Variants in ARHGEF10L observed in about 807,000 individuals in gnomAD.
The protein encoded by ARHGEF10L is rho guanine nucleotide exchange factor 10-like protein.
A neutral mutation model predicts 141.2 loss-of-function variants in ARHGEF10L; 69 were observed. That is an observed-to-expected ratio of 0.49 (90% CI 0.40 to 0.60). ARHGEF10L has a LOEUF of 0.60. Among genes scored for constraint, ARHGEF10L ranks in the 20% least tolerant of loss-of-function variants. The pLI is 0.00. For synonymous variants in ARHGEF10L, 711 were observed against 718.5 expected (o/e 0.99, Z 0.17); for missense variants, 1,482 against 1,734.3 (o/e 0.85, Z 2.58).
At chr1:17,535,569 A>G (rs1379343362), upstream of ARHGEF10L, among the ~76,000 whole-genome samples, 1 of 152,188 alleles carries the variant, frequency 6.6e-6, no homozygotes, top group Non-Finnish European at 1.5e-5. Context: ...CTGACCAGGG[A>G]AATACCACCC....
At chr1:17,584,382 G>A (rs776842394) in intron 2 of ARHGEF10L, among the ~76,000 whole-genome samples, 1 of 152,102 alleles carries the variant, frequency 6.6e-6, no homozygotes, top group Non-Finnish European at 1.5e-5. Flanking sequence ...CCATAGACAT[G>A]ACAACAGGGG....
chr1:17,543,893 C>T (rs191722210), intron 1 of ARHGEF10L, among the ~76,000 whole-genome samples: 68 of 151,812 alleles, frequency 4.5e-4, no homozygotes, highest in African/African-American at 1.5e-3. Context: ...GGTGATCCAC[C>T]TGCCTCAGCC....
In ARHGEF10L at chr1:17,697,381, C is replaced by T. The variant is rs979657216; in HGVS notation, c.*1C>T. The T allele has an allele frequency of 7.6e-6, 12 of 1,580,704 alleles. No homozygotes were observed. Among genetic ancestry groups the T allele is most frequent in the South Asian group, 3.5e-5 (3 of 86,326 alleles). On this transcript the variant is annotated 3_prime_UTR_variant, in exon 29 of 29. Coordinates refer to ENST00000361221, the MANE Select transcript of ARHGEF10L (RefSeq NM_018125.4). This position sits in a 1 kb window ranked among gnomAD's most constrained non-coding sequence, Gnocchi z 4.8. ...CTGGCAGGTGCCCTTGATGCTATAG[C>T]GCCTCCCCTCTCCCCTCAGAGGGCA... is the stretch of plus-strand genomic sequence containing the variant.
At chr1:17,643,413 A>G (rs1042803680) in intron 21 of ARHGEF10L, among the ~76,000 whole-genome samples, 1 of 152,190 alleles carries the variant, frequency 6.6e-6, no homozygotes, top group African/African-American at 2.4e-5. Flanking sequence ...TTCAAACCCC[A>G]GCATGGCCAC....
intron 1 of ARHGEF10L, among the ~76,000 whole-genome samples, chr1:17,556,275 G>A (rs867412737): frequency 6.5e-5 from 7 of 107,000 alleles, no homozygotes; most frequent in Non-Finnish European, 1.0e-4. Context: ...ATGGCGGCGG[G>A]GGGGGGGCCT....
chr1:17,598,503 C>T (rs958034833), intron 4 of ARHGEF10L, among the ~76,000 whole-genome samples: 1 of 152,196 alleles, frequency 6.6e-6, no homozygotes, highest in Non-Finnish European at 1.5e-5. Context: ...TCATAGATGA[C>T]ACCTTCTCAC....
At position 17,691,411 on chromosome 1, in the gene ARHGEF10L, G is replaced by A. The variant is rs111810108; in HGVS notation, c.3184+3664G>A. On this transcript the variant is annotated intron_variant, in intron 27 of 28. Transcript: ENST00000361221. ...TGCCTTCCTCCCATTTGTCGGTTTT[G>A]CCGTCCAGTGGGGGCTGGGAGGATG... Among the ~76,000 whole-genome samples the A allele has an allele frequency of 6.2e-3, 951 of 152,200 alleles. 8 individuals carry two copies. The highest frequency in any genetic ancestry group is 0.022 in the African/African-American group (895 of 41,518).
chr1:17,697,314 G>A lies in ARHGEF10L; in HGVS notation c.3774G>A (p.Gly1258=). 6.2e-7 allele frequency: 1 copy of A among 1,612,296 alleles called. No homozygotes were observed. Among genetic ancestry groups the A allele is most frequent in the Non-Finnish European group, 8.5e-7 (1 of 1,179,502 alleles). The change falls in exon 29 of 29, where the codon GGG becomes GGA. Residue 1258 remains glycine (G), a synonymous_variant. Transcript: ENST00000361221. The surrounding 1 kb of genome is among the most constrained non-coding windows in gnomAD (Gnocchi z 4.8). The part of the protein sequence containing the change: ...RNFGSALGSS[G]RQAPCGETDS... ...TTGGCAGCGCTCTGGGCAGCAGTGGGAGGCAGGCCCCGTGTGGGGAGACGG... is the reference window on the plus strand; with the variant it reads ...TTGGCAGCGCTCTGGGCAGCAGTGGAAGGCAGGCCCCGTGTGGGGAGACGG...
intron 1 of ARHGEF10L, among the ~76,000 whole-genome samples, chr1:17,567,244 C>A (rs1200574507): frequency 6.6e-6 from 1 of 152,228 alleles, no homozygotes; most frequent in Non-Finnish European, 1.5e-5. Context: ...TTGATCCCAC[C>A]TTCCCAGGCC....
chr1:17,656,518 G>T lies in ARHGEF10L; in HGVS notation c.2706-36G>T. The T allele has an allele frequency of 1.3e-6, 2 of 1,589,692 alleles. No individual in the cohort carries two copies. Among genetic ancestry groups the T allele is most frequent in the Non-Finnish European group, 1.7e-6 (2 of 1,163,494 alleles). On this transcript the variant is annotated intron_variant, in intron 24 of 28. Coordinates refer to ENST00000361221, the MANE Select transcript of ARHGEF10L (RefSeq NM_018125.4). The surrounding 1 kb of genome is among the most constrained non-coding windows in gnomAD (Gnocchi z 4.9). The stretch of plus-strand genomic sequence containing the variant: ...GGCAGTGAGTGGGTGGGAGTGCTCA[G>T]TGTGTCATGACCGCTTCTCCAACCT...
In ARHGEF10L at chr1:17,625,029, G is replaced by A. The variant is rs1206357629; in HGVS notation, c.1317+526G>A. On this transcript the variant is annotated intron_variant, in intron 13 of 28. Transcript: ENST00000361221. The surrounding 1 kb of genome is among the most constrained non-coding windows in gnomAD (Gnocchi z 4.5). ...CAGAGCCCCTGCCTGTAGGGAGCCT[G>A]CTGGCTGGCAGAGGATGCAACTGGG... 6.6e-6 allele frequency among the ~76,000 whole-genome samples: 1 copy of A among 152,184 alleles called. No homozygotes were observed. The highest frequency in any genetic ancestry group is 2.4e-5 in the African/African-American group (1 of 41,446).
intron 1 of ARHGEF10L, among the ~76,000 whole-genome samples, chr1:17,542,137 T>C (rs1458300930): frequency 6.7e-6 from 1 of 149,984 alleles, no homozygotes; most frequent in Non-Finnish European, 1.5e-5. Flanking sequence ...AGATTCTATC[T>C]CAAAAGAAAA....
chr1:17,544,593 C>T (rs1380789733), intron 1 of ARHGEF10L, among the ~76,000 whole-genome samples: 1 of 152,090 alleles, frequency 6.6e-6, no homozygotes, highest in Non-Finnish European at 1.5e-5. Context: ...CCATGCCCAG[C>T]CTGTAAATTA....
chr1:17,650,732 C>G (rs1396801401), intron 22 of ARHGEF10L, among the ~76,000 whole-genome samples: 1 of 77,910 alleles, frequency 1.3e-5, no homozygotes, highest in Non-Finnish European at 2.5e-5. Context: ...GACCCTGTCT[C>G]AAAAAAAAAA....
intron 2 of ARHGEF10L, among the ~76,000 whole-genome samples, chr1:17,584,503 A>G (rs2078857151): frequency 1.3e-5 from 2 of 152,104 alleles, no homozygotes; most frequent in African/African-American, 4.8e-5. Flanking sequence ...CTTATATTCG[A>G]GTAGAGGAGA....
At chr1:17,515,669 G>T in the ARHGEF10L span, among the ~76,000 whole-genome samples, 2 of 151,510 alleles carry the variant, frequency 1.3e-5, no homozygotes, top group African/African-American at 4.9e-5. Context: ...TTGAGACAGG[G>T]TCTTGCTCTG....
intron 14 of ARHGEF10L, among the ~76,000 whole-genome samples, chr1:17,626,259 C>T (rs1008855658): frequency 5.3e-5 from 8 of 152,128 alleles, no homozygotes; most frequent in East Asian, 1.9e-4. Context: ...CTGTGGGGGA[C>T]GCTGAGGGAC....
At chr1:17,629,996 T>C (rs1287298533) in intron 15 of ARHGEF10L, among the ~76,000 whole-genome samples, 3 of 152,178 alleles carry the variant, frequency 2.0e-5, no homozygotes, top group Non-Finnish European at 4.4e-5. Flanking sequence ...GGAGACCTCT[T>C]TGATGCTGGG....
At chr1:17,544,788 AAG>A (rs2076858124) in intron 1 of ARHGEF10L, among the ~76,000 whole-genome samples, 1 of 152,168 alleles carries the variant, frequency 6.6e-6, no homozygotes, top group African/African-American at 2.4e-5. Flanking sequence ...TGTAAAGAAA[AAG>A]AGATTTAATG....
Sources: allele counts gnomAD v4.1 joint callset (sites outside exome capture counted in the v4.1 genomes callset), GRCh38; gene constraint gnomAD v4.1.1; non-coding constraint Gnocchi (gnomAD v3.1); transcripts MANE v1.5; gene names NCBI Gene and HGNC (gene_info 2026-07-23, HGNC 2026-07-21).